Variants in EGF observed in about 807,000 individuals in gnomAD.
The protein encoded by EGF is pro-epidermal growth factor.
Under a neutral mutation model 143.8 loss-of-function variants are expected in EGF, and 95 were observed. The observed-to-expected ratio is 0.66, with a 90% CI of 0.56 to 0.78. EGF has a LOEUF of 0.78. Among genes scored for constraint, EGF ranks in the 30% least tolerant of loss-of-function variants. The pLI, the probability that EGF is intolerant of heterozygous loss-of-function variation, is 0.00. For synonymous variants in EGF, 510 were observed against 510.5 expected (o/e 1.00, Z 0.01); for missense variants, 1,320 against 1,470.9 (o/e 0.90, Z 1.68).
Position 109,969,114 on chromosome 4 carries a change from C to G in EGF, c.1719C>G (p.Asp573Glu), listed in dbSNP as rs764399941. 1 of 1,614,080 alleles carries G rather than the reference C, an allele frequency of 6.2e-7. No homozygotes were observed. Among genetic ancestry groups the G allele is most frequent in the Non-Finnish European group, 8.5e-7 (1 of 1,180,004 alleles). The stretch of plus-strand genomic sequence containing the variant: ...TTGGCCGTAGATTCTATTGGACAGA[C>G]AGAGGGTATGTTTTCTGCTTCAGTT... ...DWIGRRFYWT[D>E]RGKSLIGRSD... is the part of the protein sequence containing the mutation. Residue 573 changes from aspartate to glutamate, a missense_variant, in exon 11 of 24, where the codon GAC (aspartate) becomes GAG (glutamate). Coordinates refer to ENST00000265171, the MANE Select transcript of EGF (RefSeq NM_001963.6).
intron 11 of EGF, 104 bp from the exon 12 acceptor site, chr4:109,974,599 G>A: frequency 1.2e-6 from 1 of 832,768 alleles, no homozygotes; most frequent in Admixed American, 2.0e-5. Context: ...ATAGGAGCTG[G>A]TTTAGAATGC....
intron 13 of EGF, among the ~76,000 whole-genome samples, chr4:109,979,226 A>G (rs763718485): frequency 1.3e-5 from 2 of 152,138 alleles, no homozygotes; most frequent in Admixed American, 6.5e-5. Flanking sequence ...TAAAAAGGGA[A>G]GGAAAGAGAC....
At position 110,012,543 on chromosome 4, in the gene EGF, T is replaced by C. The variant is rs764249001; in HGVS notation, c.*1088T>C. 6.6e-5 allele frequency among the ~76,000 whole-genome samples: 10 copies of C among 152,038 alleles called. No homozygotes were observed. The highest frequency in any genetic ancestry group is 2.1e-4 in the South Asian group (1 of 4,818). On this transcript the variant is annotated 3_prime_UTR_variant, in exon 24 of 24. Transcript: ENST00000265171. ...CACAGGCCACCATGCCTGGCTAAGGTTTTTATTTTTATTTTTTGTAGACAT... is the reference window on the plus strand; with the variant it reads ...CACAGGCCACCATGCCTGGCTAAGGCTTTTATTTTTATTTTTTGTAGACAT...
At position 109,922,417 on chromosome 4, in the gene EGF, G is replaced by A. The variant is rs1395007023; in HGVS notation, c.127+8955G>A. The stretch of plus-strand genomic sequence containing the variant: ...GGATAAGTGACTGTCTTTCAATACT[G>A]ACATGTTGTCTTCTGAGACAGGAGC... On this transcript the variant is annotated intron_variant, in intron 1 of 23. Transcript: ENST00000265171. Among the ~76,000 whole-genome samples the A allele has an allele frequency of 2.6e-5, 4 of 151,628 alleles. 1 individual carries two copies. Among genetic ancestry groups the A allele is most frequent in the African/African-American group, 9.8e-5 (4 of 40,936 alleles).
chr4:110,006,192 A>G (rs1397495280), intron 22 of EGF, among the ~76,000 whole-genome samples: 1 of 152,122 alleles, frequency 6.6e-6, no homozygotes, highest in Non-Finnish European at 1.5e-5. Context: ...TTAAAAAAAA[A>G]AACTTTGCTG....
chr4:109,945,281 T>C lies in EGF; in HGVS notation c.940+6T>C, dbSNP rs746904541. ...AGATGACACTTGGGAGCCTGGTGAG[T>C]CATCGTTGACCTTGCGCAGGGCCTG... On this transcript the variant is annotated splice_donor_region_variant and intron_variant, in intron 5 of 23. Coordinates refer to ENST00000265171, the MANE Select transcript of EGF (RefSeq NM_001963.6). The C allele has an allele frequency of 1.9e-6, 3 of 1,612,776 alleles. No homozygotes were observed. Among genetic ancestry groups the C allele is most frequent in the South Asian group, 2.2e-5 (2 of 90,920 alleles).
At chr4:109,992,490 T>A (rs952825059) in intron 18 of EGF, 1 of 152,198 alleles carries the variant, frequency 6.6e-6, no homozygotes, top group Non-Finnish European at 1.5e-5. Flanking sequence ...ACTTTTACAC[T>A]GTTGGTGGGA....
At chr4:110,002,271 T>C (rs959490079) in intron 21 of EGF, among the ~76,000 whole-genome samples, 2 of 152,122 alleles carry the variant, frequency 1.3e-5, no homozygotes, top group African/African-American at 4.8e-5. Context: ...GACAGGCAGA[T>C]TGCTTGAGCC....
Position 109,913,054 on chromosome 4 carries a change from T to C in EGF, c.-282T>C, listed in dbSNP as rs1192117234. On this transcript the variant is annotated 5_prime_UTR_variant, in exon 1 of 24. Coordinates refer to ENST00000265171, the MANE Select transcript of EGF (RefSeq NM_001963.6). ...GCCAGAGCAGGGCTGTTAAACTCTG[T>C]GAAATTTGTCATAAGGGTGTCAGGT... is the stretch of plus-strand genomic sequence containing the variant. The C allele has an allele frequency of 2.6e-6, 1 of 390,794 alleles. No individual in the cohort carries two copies. Among genetic ancestry groups the C allele is most frequent in the African/African-American group, 2.1e-5 (1 of 48,202 alleles). The allele number at this position is 390,794 out of a possible 1,614,324, so 24.2% of individuals were successfully genotyped here. A position where few individuals can be genotyped will look rare whatever the true frequency, so the allele number is the denominator to read the frequency against.
chr4:109,935,324 T>A (rs1241044049), intron 1 of EGF, among the ~76,000 whole-genome samples: 1 of 152,208 alleles, frequency 6.6e-6, no homozygotes, highest in South Asian at 2.1e-4. Context: ...TTTGTAGTAA[T>A]TGTGAATGGG....
chr4:109,964,685 T>G, intron 10 of EGF, 148 bp downstream of exon 10: 2 of 1,213,276 alleles, frequency 1.6e-6, no homozygotes, highest in East Asian at 2.4e-5. Flanking sequence ...GATATTGGAG[T>G]AACACTTGAG....
chr4:109,914,393 C>G (rs1736240048), intron 1 of EGF, among the ~76,000 whole-genome samples: 2 of 152,062 alleles, frequency 1.3e-5, no homozygotes, highest in African/African-American at 4.8e-5. Context: ...GAAGAGACAC[C>G]TATGGAAGAC....
Position 109,999,746 on chromosome 4 carries a change from G to C in EGF, c.3073G>C (p.Ala1025Pro). The C allele has an allele frequency of 6.2e-7, 1 of 1,614,076 alleles. No individual in the cohort carries two copies. Among genetic ancestry groups the C allele is most frequent in the Non-Finnish European group, 8.5e-7 (1 of 1,180,018 alleles). The stretch of plus-strand genomic sequence containing the variant: ...CCTGAAGTGGTGGGAACTGCGCCAC[G>C]CTGGCCACGGGCAGCAGCAGAAGGT... ...RDLKWWELRH[A>P]GHGQQQKVIV... The change falls in exon 21 of 24, where the codon GCT (alanine) becomes CCT (proline). Residue 1025 changes from alanine to proline, a missense_variant. Ala to Pro is a conservative substitution (Grantham distance 27). Transcript: ENST00000265171.
chr4:109,920,565 C>A (rs188987267), intron 1 of EGF, among the ~76,000 whole-genome samples: 108 of 151,630 alleles, frequency 7.1e-4, no homozygotes, highest in Middle Eastern at 6.8e-3. Context: ...ATTCCTAAAT[C>A]TTTTTCAAGA....
chr4:109,988,884 C>G (rs555319908), intron 18 of EGF, among the ~76,000 whole-genome samples, 175 bp downstream of exon 18: 1 of 152,320 alleles, frequency 6.6e-6, no homozygotes, highest in Admixed American at 6.5e-5. Flanking sequence ...GGTGAACAGT[C>G]AAGTTTGTGC....
intron 16 of EGF, among the ~76,000 whole-genome samples, chr4:109,985,672 C>A (rs1241560061): frequency 3.3e-5 from 5 of 152,210 alleles, no homozygotes; most frequent in Non-Finnish European, 7.3e-5. Flanking sequence ...CTGCCTATTA[C>A]AGCTCTCTTA....
At chr4:109,943,750 C>G in intron 3 of EGF, 92 bp from the exon 4 acceptor site, 1 of 1,075,578 alleles carries the variant, frequency 9.3e-7, no homozygotes, top group South Asian at 1.3e-5. Context: ...GTCAAACTTG[C>G]CCTGTGAAGG....
intron 10 of EGF, chr4:109,968,701 T>TATCTA: frequency 2.3e-6 from 1 of 431,096 alleles, no homozygotes; most frequent in Non-Finnish European, 4.3e-6. Flanking sequence ...TCTATCTATC[T>TATCTA]ATCTATCTAC....
In EGF at chr4:109,913,453, A is replaced by G. The variant is rs56384521; in HGVS notation, c.118A>G (p.Thr40Ala). The G allele has an allele frequency of 3.1e-6, 5 of 1,613,680 alleles. No individual in the cohort carries two copies. Among genetic ancestry groups the G allele is most frequent in the Non-Finnish European group, 4.2e-6 (5 of 1,179,784 alleles). The change falls in exon 1 of 24, where the codon ACT becomes GCT. Residue 40 changes from threonine to alanine, a missense_variant. By Grantham distance (58) the Thr-to-Ala change is moderately conservative. Around this residue, in one of 5 missense-constraint regions of EGF, gnomAD observed 79 missense variants for 71.2 expected, o/e 1.11. Coordinates refer to ENST00000265171, the MANE Select transcript of EGF (RefSeq NM_001963.6). Reference sequence around the variant, plus strand: ...TACTCTCGCAGGAAATGGGAATTCTACTTGTGTGGGTAAGTACTCCAATGA... The same window carrying G: ...TACTCTCGCAGGAAATGGGAATTCTGCTTGTGTGGGTAAGTACTCCAATGA... ...EGTLAGNGNS[T>A]CVGPAPFLIF...
Sources: allele counts gnomAD v4.1 joint callset (sites outside exome capture counted in the v4.1 genomes callset), GRCh38; gene constraint gnomAD v4.1.1; regional missense constraint gnomAD v4.1.1; transcripts MANE v1.5; gene names NCBI Gene and HGNC (gene_info 2026-07-23, HGNC 2026-07-21).